Variants in CDH18 observed in about 807,000 individuals in gnomAD.
CDH18 encodes cadherin 18.
A neutral mutation model predicts 67.9 loss-of-function variants in CDH18; 31 were observed. The observed-to-expected ratio is 0.46, with a 90% confidence interval of 0.34 to 0.62. The LOEUF is 0.62. CDH18 is among the 20% of genes least tolerant of loss of function. CDH18 has a pLI of 0.01. For synonymous variants in CDH18, 362 were observed against 347.2 expected (o/e 1.04, Z -0.48); for missense variants, 890 against 975.5 (o/e 0.91, Z 1.17).
intron 2 of CDH18, among the ~76,000 whole-genome samples, chr5:20,159,402 T>A (rs1477292645): frequency 1.3e-5 from 2 of 152,142 alleles, no homozygotes; most frequent in South Asian, 2.1e-4. Context: ...TGAAAATCTC[T>A]TCCCATTTAG....
rs1299718568 is a variant in CDH18, at chr5:20,047,426, A to G, written c.-517-55412T>C. Among the ~76,000 whole-genome samples the G allele has an allele frequency of 7.9e-5, 12 of 151,942 alleles. No homozygotes were observed. In the South Asian group the frequency reaches 1.9e-3, roughly 24 times the overall value. On this transcript the variant is annotated intron_variant, in intron 2 of 14. Coordinates refer to the CDH18 transcript ENST00000507958. ...TTTTCATTATTAAATGAAAGAGCAGAAAACACTATAGTAGAAATGCTTAGG... is the reference window on the plus strand; with the variant it reads ...TTTTCATTATTAAATGAAAGAGCAGGAAACACTATAGTAGAAATGCTTAGG...
In CDH18 at chr5:20,242,622, A is replaced by ACATATATATATATACATG. The variant is rs1489847716; in HGVS notation, c.-518+12821_-518+12822insCATGTATATATATATATG. On this transcript the variant is annotated intron_variant, in intron 2 of 14. Transcript: ENST00000507958. The stretch of plus-strand genomic sequence containing the variant: ...AAAAAAAAAAAAAAAATATATATAT[A>ACATATATATATATACATG]TATATATATATGTATATATATATAT... Among the ~76,000 whole-genome samples, 171 of 106,886 alleles carry ACATATATATATATACATG rather than the reference A, an allele frequency of 1.6e-3. 2 individuals carry two copies. Among genetic ancestry groups the ACATATATATATATACATG allele is most frequent in the Non-Finnish European group, 2.3e-3 (131 of 56,246 alleles). 70.1% of individuals were successfully genotyped at this position (106,886 alleles called of 152,430 possible).
intron 2 of CDH18, among the ~76,000 whole-genome samples, chr5:20,198,124 C>A (rs374703461): frequency 2.0e-5 from 3 of 152,096 alleles, no homozygotes; most frequent in African/African-American, 7.2e-5. Context: ...TTCTTCAGAG[C>A]AGTGTGAGAG....
At chr5:19,934,068 G>C (rs1793990303) in intron 2 of CDH18, among the ~76,000 whole-genome samples, 1 of 151,228 alleles carries the variant, frequency 6.6e-6, no homozygotes, top group South Asian at 2.1e-4. Context: ...ATGAGAGCCA[G>C]GATTATTTTC....
intron 6 of CDH18, among the ~76,000 whole-genome samples, chr5:19,605,312 CTTA>C (rs1385588419): frequency 2.0e-5 from 3 of 151,482 alleles, no homozygotes; most frequent in Non-Finnish European, 4.4e-5. Flanking sequence ...GTGTATGTGT[CTTA>C]TTATAATAAA....
In CDH18 at chr5:19,562,346, A is replaced by T. The variant is rs535543279; in HGVS notation, c.1253+9233T>A. Among the ~76,000 whole-genome samples the T allele has an allele frequency of 4.6e-5, 7 of 152,250 alleles. No homozygotes were observed. The East Asian group carries it at 1.4e-3, about 29-fold the overall frequency. On this transcript the variant is annotated intron_variant, in intron 8 of 12. Coordinates refer to ENST00000382275, the MANE Select transcript of CDH18 (RefSeq NM_004934.5). Reference sequence around the variant, plus strand: ...CAAAAGGCCTTATCATTATTTTAAAATCTCTCTCTTTTTTTTGCTGTTATA... The same window carrying T: ...CAAAAGGCCTTATCATTATTTTAAATTCTCTCTCTTTTTTTTGCTGTTATA...
chr5:20,375,801 A>T (rs1324228282), intron 1 of CDH18, among the ~76,000 whole-genome samples: 2 of 151,952 alleles, frequency 1.3e-5, no homozygotes, highest in African/African-American at 4.8e-5. Flanking sequence ...TAGGAGACAC[A>T]CTCCAAGAGA....
At chr5:20,372,904 C>T (rs143449708) in intron 1 of CDH18, among the ~76,000 whole-genome samples, 1 of 152,054 alleles carries the variant, frequency 6.6e-6, no homozygotes, top group East Asian at 1.9e-4. Flanking sequence ...GATATCTCTA[C>T]GTCTAAGAGA....
chr5:19,736,798 T>C (rs1768394792), intron 4 of CDH18, among the ~76,000 whole-genome samples: 1 of 152,188 alleles, frequency 6.6e-6, no homozygotes, highest in Non-Finnish European at 1.5e-5. Context: ...GGTGTCTCTG[T>C]GTGGCACAGC....
intron 2 of CDH18, among the ~76,000 whole-genome samples, chr5:20,093,829 A>T (rs977540160): frequency 2.0e-5 from 3 of 152,160 alleles, no homozygotes; most frequent in Admixed American, 6.6e-5. Flanking sequence ...CAGAGAAGCC[A>T]GTGAAGTTTT....
chr5:19,883,830 G>A (rs1338846204), intron 2 of CDH18, among the ~76,000 whole-genome samples: 1 of 151,918 alleles, frequency 6.6e-6, no homozygotes, highest in Non-Finnish European at 1.5e-5. Flanking sequence ...GAAGCAATGT[G>A]CTTACTCTTT....
At chr5:19,802,664 T>C (rs566759861) in intron 3 of CDH18, among the ~76,000 whole-genome samples, 2 of 152,248 alleles carry the variant, frequency 1.3e-5, no homozygotes, top group East Asian at 3.9e-4. Flanking sequence ...CAATACTCTA[T>C]TGTGAAACTT....
chr5:20,530,020 G>A (rs1756303575), intron 1 of CDH18, among the ~76,000 whole-genome samples: 1 of 152,042 alleles, frequency 6.6e-6, no homozygotes. Context: ...TTCTTAAGCA[G>A]ATAAGCAAAT....
At chr5:19,792,733 A>G (rs1024737242) in intron 3 of CDH18, among the ~76,000 whole-genome samples, 1 of 152,176 alleles carries the variant, frequency 6.6e-6, no homozygotes, top group African/African-American at 2.4e-5. Context: ...TATTTGTTAA[A>G]CAACTGCAAA....
chr5:19,780,808 T>A (rs1035239790), intron 3 of CDH18, among the ~76,000 whole-genome samples: 1 of 152,118 alleles, frequency 6.6e-6, no homozygotes, highest in African/African-American at 2.4e-5. Flanking sequence ...TAATAATGCC[T>A]CCTTACTTTC....
intron 6 of CDH18, among the ~76,000 whole-genome samples, chr5:19,599,115 T>C (rs1055015306): frequency 3.9e-5 from 6 of 152,126 alleles, no homozygotes; most frequent in African/African-American, 1.4e-4. Context: ...CCATAAAAGA[T>C]AATAACTTTA....
chr5:19,479,814 T>C (rs1339562924), intron 12 of CDH18, among the ~76,000 whole-genome samples: 1 of 152,150 alleles, frequency 6.6e-6, no homozygotes, highest in Non-Finnish European at 1.5e-5. Flanking sequence ...TTACAGCATA[T>C]TTGAGTTTCA....
intron 1 of CDH18, among the ~76,000 whole-genome samples, chr5:20,514,709 G>A (rs1755256129): frequency 6.6e-6 from 1 of 152,082 alleles, no homozygotes; most frequent in African/African-American, 2.4e-5. Flanking sequence ...TGCGACTTAT[G>A]CTGAGCCACA....
Position 20,362,047 on chromosome 5 carries a change from T to A in CDH18, c.-579-106542A>T, listed in dbSNP as rs2150072583. On this transcript the variant is annotated intron_variant, in intron 1 of 14. Coordinates refer to the CDH18 transcript ENST00000507958. Reference sequence around the variant, plus strand: ...CAATCATGCATATTTGATAACCTAATAAATGAGGGAAGTATACGTACATAT... The same window carrying A: ...CAATCATGCATATTTGATAACCTAAAAAATGAGGGAAGTATACGTACATAT... 3.3e-5 allele frequency among the ~76,000 whole-genome samples: 5 copies of A among 152,220 alleles called. 2 individuals are homozygous for A. Among genetic ancestry groups the A allele is most frequent in the Admixed American group, 3.3e-4 (5 of 15,284 alleles).
Sources: allele counts gnomAD v4.1 joint callset (sites outside exome capture counted in the v4.1 genomes callset), GRCh38; gene constraint gnomAD v4.1.1; transcripts MANE v1.5; gene names NCBI Gene and HGNC (gene_info 2026-07-23, HGNC 2026-07-21).